The following TG variants were observed in gnomAD, a reference collection of about 807,000 sequenced individuals.
TG encodes the protein thyroid hormones.
Under a neutral mutation model 324.7 loss-of-function variants are expected in TG, and 270 were observed. That is an observed-to-expected ratio of 0.83 (90% CI 0.75 to 0.92). The LOEUF (loss-of-function observed/expected upper bound fraction) is 0.92, where lower values mean the gene tolerates loss of function less well. TG is among the 40% of genes least tolerant of loss of function. The pLI is 0.00. For missense variants in TG, 3,591 were observed against 3,456.4 expected, an observed-to-expected ratio of 1.04 and a Z score of -0.98; for synonymous variants, 1,401 against 1,327.0, an observed-to-expected ratio of 1.06 and a Z score of -1.21.
At chr8:133,082,525 G>A (rs1262586129) in intron 41 of TG, among the ~76,000 whole-genome samples, 2 of 152,194 alleles carry the variant, frequency 1.3e-5, no homozygotes, top group East Asian at 3.8e-4. Context: ...TAATCGACTA[G>A]CTTGCTGCAG....
At chr8:132,929,331 G>T in intron 23 of TG, 139 bp downstream of exon 23, 1 of 709,710 alleles carries the variant, frequency 1.4e-6, no homozygotes. Context: ...TAAATGAATT[G>T]ATTTCCAGAA....
rs553077666 is a variant in TG at position 133,090,572 on chromosome 8, G to A, written c.7240-4472G>A. On this transcript the variant is annotated intron_variant, in intron 41 of 47. Transcript: ENST00000220616. ...GCTCCCCATCAGCCTAGGTTGTAAC[G>A]AGGAGTTTCATCAAGTTACATTGTA... Among the ~76,000 whole-genome samples the A allele has an allele frequency of 5.3e-5, 8 of 152,320 alleles. No homozygotes were observed. The East Asian group carries it at 1.3e-3, about 26-fold the overall frequency.
At chr8:132,895,790 T>G (rs1333315281) in intron 11 of TG, among the ~76,000 whole-genome samples, 4 of 152,182 alleles carry the variant, frequency 2.6e-5, no homozygotes, top group Non-Finnish European at 5.9e-5. Context: ...ACCACTTTGG[T>G]CAGGGAGGGA....
intron 45 of TG, among the ~76,000 whole-genome samples, chr8:133,121,099 G>T (rs1459126607): frequency 6.6e-6 from 1 of 152,180 alleles, no homozygotes; most frequent in Non-Finnish European, 1.5e-5. Flanking sequence ...TGGCTCCGTG[G>T]CTCTCTGCAC....
Position 132,908,113 on chromosome 8 carries a change from A to G in TG, c.3848-73A>G. 1.9e-6 allele frequency: 3 copies of G among 1,571,976 alleles called. No individual in the cohort carries two copies. In the South Asian group the frequency reaches 3.3e-5, roughly 18 times the overall value. ...CTCAATGAGGAAGGGTTATTTTTGC[A>G]GAGGAAATCCCAAACAAAGAAAATA... On this transcript the variant is annotated intron_variant, in intron 17 of 47. Transcript: ENST00000220616.
At position 132,929,173 on chromosome 8, in the gene TG, C is replaced by T. The variant is rs369301609; in HGVS notation, c.4797C>T (p.Pro1599=). ...VRSKVPDSEF[P]VMQCLTDCTE... is the part of the protein sequence containing the mutation. ...CCAAAGTTCCTGATTCTGAGTTCCC[C>T]GTGATGCAGTGCTTGACAGGTGAGG... Residue 1599 remains proline, a synonymous_variant, in exon 23 of 48, where the codon CCC becomes CCT. Coordinates refer to ENST00000220616, the MANE Select transcript of TG (RefSeq NM_003235.5). The T allele has an allele frequency of 2.5e-4, 399 of 1,613,894 alleles. No homozygotes were observed. The highest frequency in any genetic ancestry group is 3.2e-4 in the Non-Finnish European group (375 of 1,179,940).
At chr8:132,895,565 C>A (rs1816976114) in intron 11 of TG, among the ~76,000 whole-genome samples, 1 of 152,250 alleles carries the variant, frequency 6.6e-6, no homozygotes, top group African/African-American at 2.4e-5. Context: ...AGCTGAGTAG[C>A]TGGTGGTTAA....
intron 31 of TG, 24 bp from the exon 32 acceptor site, chr8:132,969,434 T>C (rs1432145030): frequency 6.7e-7 from 1 of 1,494,428 alleles, no homozygotes; most frequent in East Asian, 2.3e-5. Flanking sequence ...CTAAGTAATG[T>C]ATTTTCTTTC....
intron 24 of TG, among the ~76,000 whole-genome samples, chr8:132,934,017 C>T (rs1476438699): frequency 2.0e-5 from 3 of 152,022 alleles, no homozygotes. Flanking sequence ...CCCGAATATG[C>T]CTTTCCATTG....
At position 133,011,993 on chromosome 8, in the gene TG, G is replaced by T; in HGVS notation, c.6355G>T (p.Ala2119Ser). 6.2e-7 allele frequency: 1 copy of T among 1,614,202 alleles called. No individual in the cohort carries two copies. The highest frequency in any genetic ancestry group is 1.1e-5 in the South Asian group (1 of 91,082). The change falls in exon 36 of 48, where the codon GCC becomes TCC. Residue 2119 changes from alanine (A) to serine (S), a missense_variant. Coordinates refer to ENST00000220616, the MANE Select transcript of TG (RefSeq NM_003235.5). The stretch of plus-strand genomic sequence containing the variant: ...TGATGTTGCCCATGTCAGCACTGCT[G>T]CCACCAGCAATTTCTCTGCTGTCCG... Reference protein sequence around the residue: ...HFDVAHVSTAATSNFSAVRDL... With the variant: ...HFDVAHVSTASTSNFSAVRDL...
At chr8:132,979,764 C>T (rs1297517108) in intron 34 of TG, among the ~76,000 whole-genome samples, 1 of 151,940 alleles carries the variant, frequency 6.6e-6, no homozygotes, top group Non-Finnish European at 1.5e-5. Context: ...GGTTTTTTGC[C>T]CCCACACCAA....
chr8:132,924,791 T>TAA, intron 22 of TG, among the ~76,000 whole-genome samples: 1 of 152,330 alleles, frequency 6.6e-6, no homozygotes, highest in African/African-American at 2.4e-5. Flanking sequence ...TCCCCCGTTG[T>TAA]AAGAGTGTTG....
At chr8:132,986,624 A>T (rs956741605) in intron 35 of TG, among the ~76,000 whole-genome samples, 33 of 152,148 alleles carry the variant, frequency 2.2e-4, no homozygotes, top group African/African-American at 7.7e-4. Context: ...CCATTTCTTT[A>T]TTTTTGGTCA....
chr8:133,113,659 CAGTT>C (rs1355076420), intron 44 of TG, 56 bp downstream of exon 44: 11 of 1,583,660 alleles, frequency 6.9e-6, no homozygotes, highest in African/African-American at 1.4e-5. Context: ...GGAGCAGACT[CAGTT>C]GGTGTTCAGG....
intron 41 of TG, among the ~76,000 whole-genome samples, chr8:133,068,392 G>A (rs2702989): frequency 0.84 from 128,091 of 152,234 alleles, 54,295 homozygotes; most frequent in African/African-American, 0.94. Context: ...AGACCAGAAG[G>A]GGATGGAGGT....
intron 37 of TG, among the ~76,000 whole-genome samples, chr8:133,017,011 G>A (rs1835089147): frequency 6.6e-6 from 1 of 152,224 alleles, no homozygotes; most frequent in Non-Finnish European, 1.5e-5. Flanking sequence ...TCACAAGCTG[G>A]GGCACCCAGG....
At chr8:132,905,780 C>T (rs917716920) in intron 16 of TG, among the ~76,000 whole-genome samples, 1 of 151,996 alleles carries the variant, frequency 6.6e-6, no homozygotes, top group African/African-American at 2.4e-5. Context: ...ACCTGGTGGC[C>T]TGGGAATTCA....
chr8:133,013,304 C>T (rs563240303), intron 36 of TG, among the ~76,000 whole-genome samples: 7 of 151,728 alleles, frequency 4.6e-5, no homozygotes, highest in South Asian at 2.1e-4. Flanking sequence ...GATGCATGAG[C>T]GGATGAAAGG....
At chr8:133,120,017 C>A (rs2958687) in intron 45 of TG, among the ~76,000 whole-genome samples, 34,173 of 152,038 alleles carry the variant, frequency 0.22, 4,299 homozygotes, top group South Asian at 0.32. Context: ...CCCTCCTAAT[C>A]CAGTGGTCTA....
Sources: allele counts gnomAD v4.1 joint callset (sites outside exome capture counted in the v4.1 genomes callset), GRCh38; gene constraint gnomAD v4.1.1; transcripts MANE v1.5; gene names NCBI Gene and HGNC (gene_info 2026-07-23, HGNC 2026-07-21).